CD40: variants seen among roughly 807,000 people sequenced by gnomAD.
CD40 encodes CD40 molecule, also known as tumor necrosis factor receptor superfamily member 5.
A neutral mutation model predicts 38.5 loss-of-function variants in CD40; 19 were observed. That is an observed-to-expected ratio of 0.49 (90% CI 0.34 to 0.72). The LOEUF is 0.72. Ranked by LOEUF, CD40 falls within the 30% of genes least tolerant of loss-of-function variation. The probability of loss-of-function intolerance (pLI) is 0.01; values close to 1 mark genes in which losing one functional copy is unlikely to be tolerated. For missense variants in CD40, 256 were observed against 344.1 expected, an observed-to-expected ratio of 0.74 and a Z score of 2.03; for synonymous variants, 130 against 128.7, an observed-to-expected ratio of 1.01 and a Z score of -0.07.
At chr20:46,128,279 T>C in intron 7 of CD40, 51 bp from the exon 8 acceptor site, 1 of 1,611,748 alleles carries the variant, frequency 6.2e-7, no homozygotes, top group Non-Finnish European at 8.5e-7. Flanking sequence ...ACCTGTTTCT[T>C]ATCTGGCCTC....
Position 46,128,378 on chromosome 20 carries a change from C to A in CD40, c.675+20C>A. On this transcript the variant is annotated intron_variant, in intron 8 of 8. Transcript: ENST00000372285. ...AATAAGGTAGGTCACCCCTGAGAAC[C>A]CGGGACAGAGTTTTGACAAACTGGG... 6.2e-7 allele frequency: 1 copy of A among 1,610,956 alleles called. No homozygotes were observed. The highest frequency in any genetic ancestry group is 8.5e-7 in the Non-Finnish European group (1 of 1,179,054).
intron 1 of CD40, among the ~76,000 whole-genome samples, chr20:46,120,882 T>C (rs545859755): frequency 1.3e-5 from 2 of 152,270 alleles, no homozygotes; most frequent in African/African-American, 4.8e-5. Context: ...CTGGCCAACA[T>C]GGTGAAACCC....
intron 6 of CD40, 121 bp downstream of exon 6, chr20:46,126,822 A>G (rs1459486957): frequency 2.6e-6 from 4 of 1,531,518 alleles, no homozygotes; most frequent in Non-Finnish European, 3.6e-6. Flanking sequence ...GGGGTGTGGT[A>G]TCACAGCTCT....
intron 5 of CD40, among the ~76,000 whole-genome samples, chr20:46,125,278 G>C (rs963344934): frequency 2.0e-5 from 3 of 151,666 alleles, no homozygotes; most frequent in Non-Finnish European, 2.9e-5. Context: ...GGGCGTGGTG[G>C]CTCACACCTG....
chr20:46,127,924 A>G, intron 6 of CD40: 1 of 887,498 alleles, frequency 1.1e-6, no homozygotes, highest in East Asian at 2.7e-5. Flanking sequence ...CTCCCAGTTT[A>G]AAAATGTCGG....
rs1205593875 is a variant in CD40, at chr20:46,122,545, G to A, written c.257-65G>A. 1.9e-6 allele frequency: 3 copies of A among 1,605,836 alleles called. No individual in the cohort carries two copies. The highest frequency in any genetic ancestry group is 1.7e-6 in the Non-Finnish European group (2 of 1,172,844). ...CTGAGGAAGAAAGAGCAGGCAATGT[G>A]GGGAGTGAGGCTCAGAGCATGGCCC... On this transcript the variant is annotated intron_variant, in intron 3 of 8. Transcript: ENST00000372285. The surrounding 1 kb of genome is among the most constrained non-coding windows in gnomAD (Gnocchi z 5.0).
rs2085446827 is a variant in CD40 at position 46,126,818 on chromosome 20, T to C, written c.559+117T>C. 3.2e-6 allele frequency: 5 copies of C among 1,552,360 alleles called. No homozygotes were observed. The Admixed American group carries it at 7.3e-5, about 23-fold the overall frequency. ...GGGGAGGGGAGGCAGTTTGGGGGTG[T>C]GGTATCACAGCTCTGCCACTTATCT... On this transcript the variant is annotated intron_variant, in intron 6 of 8. Coordinates refer to ENST00000372285, the MANE Select transcript of CD40 (RefSeq NM_001250.6).
rs199581355 is a variant in CD40, at chr20:46,128,200, A to G, written c.622A>G (p.Ile208Val). 2.3e-4 allele frequency: 374 copies of G among 1,612,058 alleles called. 3 individuals carry two copies. The East Asian group carries it at 8.2e-3, about 36-fold the overall frequency. Residue 208 changes from isoleucine to valine, a missense_variant, in exon 7 of 9, where the codon ATC becomes GTC. Ile to Val is a conservative substitution (Grantham distance 29). Transcript: ENST00000372285. The part of the protein sequence containing the change: ...IPIIFGILFA[I>V]LLVLVFIKKV... ...CATCATCTTCGGGATCCTGTTTGCC[A>G]TCCTCTTGGTGCTGGTCTTTATCAG...
Position 46,126,672 on chromosome 20 carries a change from C to A in CD40, c.530C>A (p.Ala177Glu), listed in dbSNP as rs762283441. 4.3e-6 allele frequency: 7 copies of A among 1,613,996 alleles called. No individual in the cohort carries two copies. The highest frequency in any genetic ancestry group is 5.9e-6 in the Non-Finnish European group (7 of 1,179,894). ...ACCAAAGACCTGGTTGTGCAACAGG[C>A]AGGCACAAACAAGACTGATGTTGTC... ...CETKDLVVQQ[A>E]GTNKTDVVCG... Residue 177 changes from alanine (A) to glutamate (E), a missense_variant, in exon 6 of 9, where the codon GCA (alanine) becomes GAA (glutamate). By Grantham distance (107) the Ala-to-Glu change is moderately radical. Coordinates refer to ENST00000372285, the MANE Select transcript of CD40 (RefSeq NM_001250.6).
intron 8 of CD40, 101 bp from the exon 9 acceptor site, chr20:46,128,781 G>C (rs745669288): frequency 3.9e-6 from 5 of 1,285,054 alleles, no homozygotes; most frequent in South Asian, 3.7e-5. Flanking sequence ...GTCTGGGAAA[G>C]GGGGGAGGGC....
At chr20:46,123,355 G>T (rs1416867700) in intron 5 of CD40, 136 bp downstream of exon 5, 7 of 811,804 alleles carry the variant, frequency 8.6e-6, no homozygotes, top group Non-Finnish European at 1.5e-5. Context: ...CTGCAGAGTG[G>T]CCTCATGGCC....
At chr20:46,126,820 G>A (rs929530679) in intron 6 of CD40, 119 bp downstream of exon 6, 22 of 1,541,608 alleles carry the variant, frequency 1.4e-5, no homozygotes, top group Non-Finnish European at 1.9e-5. Context: ...TGGGGGTGTG[G>A]TATCACAGCT....
At position 46,122,860 on chromosome 20, in the gene CD40, C is replaced by A; in HGVS notation, c.403+104C>A. On this transcript the variant is annotated intron_variant, in intron 4 of 8. Coordinates refer to ENST00000372285, the MANE Select transcript of CD40 (RefSeq NM_001250.6). This position sits in a 1 kb window ranked among gnomAD's most constrained non-coding sequence, Gnocchi z 5.0. ...CACTTAGCCCCAGAGGCAGAGGAAG[C>A]AGAGGCTCCAACCTATGTCGGTATC... 1 of 1,436,332 alleles carries A rather than the reference C, an allele frequency of 7.0e-7. No individual in the cohort carries two copies. The highest frequency in any genetic ancestry group is 9.6e-7 in the Non-Finnish European group (1 of 1,042,384). The allele number at this position is 1,436,332 out of a possible 1,614,324, so 89.0% of individuals were successfully genotyped here.
Position 46,122,794 on chromosome 20 carries a change from C to G in CD40, c.403+38C>G. The G allele has an allele frequency of 6.2e-7, 1 of 1,612,724 alleles. No homozygotes were observed. On this transcript the variant is annotated intron_variant, in intron 4 of 8. Coordinates refer to ENST00000372285, the MANE Select transcript of CD40 (RefSeq NM_001250.6). The surrounding 1 kb of genome is among the most constrained non-coding windows in gnomAD (Gnocchi z 5.0). ...TCTGGGAATCAGTTTTGGAGGGGGA[C>G]AGAGGAGCTTAGGGCCCAAGGTGAG...
At position 46,128,697 on chromosome 20, in the gene CD40, C is replaced by G. The variant is rs774917096; in HGVS notation, c.676-185C>G. 12 of 686,798 alleles carry G rather than the reference C, an allele frequency of 1.7e-5. No homozygotes were observed. In the Admixed American group the frequency reaches 2.2e-4, roughly 12 times the overall value. The allele number at this position is 686,798 out of a possible 1,614,324, so 42.5% of individuals were successfully genotyped here. ...CCCCTTAAGCCCACTGGCTCCCACT[C>G]TGGAAGCTCTTCGTCGCCCTTGGTG... On this transcript the variant is annotated intron_variant, in intron 8 of 8. Transcript: ENST00000372285.
chr20:46,123,586 G>T (rs2085361288), intron 5 of CD40, among the ~76,000 whole-genome samples: 1 of 152,036 alleles, frequency 6.6e-6, no homozygotes, highest in Non-Finnish European at 1.5e-5. Context: ...TCACCCTGAG[G>T]GCCTCCCTCT....
chr20:46,121,614 C>A, intron 1 of CD40: 1 of 626,170 alleles, frequency 1.6e-6, no homozygotes, highest in Admixed American at 2.3e-5. Context: ...GTAAAAATAC[C>A]AGAATGATTC....
intron 5 of CD40, 86 bp from the exon 6 acceptor site, chr20:46,126,554 C>T (rs890642183): frequency 5.2e-6 from 8 of 1,524,238 alleles, no homozygotes; most frequent in Non-Finnish European, 7.2e-6. Context: ...CTGACTCACT[C>T]TAGAGTTGGA....
chr20:46,126,831 C>T, intron 6 of CD40, 130 bp downstream of exon 6: 5 of 1,483,978 alleles, frequency 3.4e-6, no homozygotes, highest in Non-Finnish European at 4.6e-6. Flanking sequence ...TATCACAGCT[C>T]TGCCACTTAT....
Sources: gnomAD v4.1 joint callset for allele counts (sites outside exome capture counted in the v4.1 genomes callset) on GRCh38, gnomAD v4.1.1 for gene constraint, Gnocchi (gnomAD v3.1) non-coding constraint, MANE v1.5 for transcripts, NCBI Gene and HGNC (gene_info 2026-07-23, HGNC 2026-07-21) for gene names.